SNTB1: variants seen among roughly 807,000 people sequenced by gnomAD.
SNTB1 encodes the protein beta-1-syntrophin.
SNTB1 carries 36 observed loss-of-function variants against 48.9 expected under a neutral mutation model. That is an observed-to-expected ratio of 0.74 (90% CI 0.56 to 0.97). The LOEUF is 0.97. SNTB1 is among the 50% of genes least tolerant of loss of function. The pLI, the probability that SNTB1 is intolerant of heterozygous loss-of-function variation, is 0.00. For synonymous variants in SNTB1, 299 were observed against 294.6 expected, an observed-to-expected ratio of 1.01 and a Z score of -0.15; for missense variants, 786 against 703.4, an observed-to-expected ratio of 1.12 and a Z score of -1.33.
chr8:120,788,340 G>A (rs1563602664), intron 1 of SNTB1, among the ~76,000 whole-genome samples: 1 of 152,066 alleles, frequency 6.6e-6, no homozygotes, highest in East Asian at 1.9e-4. Flanking sequence ...AAGTCATTAG[G>A]TAACAATTAA....
chr8:120,612,985 G>T (rs181791726), intron 3 of SNTB1, among the ~76,000 whole-genome samples: 1 of 152,162 alleles, frequency 6.6e-6, no homozygotes, highest in Non-Finnish European at 1.5e-5. Flanking sequence ...TGGAGGTCAT[G>T]ATGTTAAGCG....
At chr8:120,633,289 G>A (rs541206190) in intron 2 of SNTB1, among the ~76,000 whole-genome samples, 2 of 152,286 alleles carry the variant, frequency 1.3e-5, no homozygotes, top group Admixed American at 6.5e-5. Flanking sequence ...ACAATGGGGA[G>A]AGAGATGCAC....
intron 1 of SNTB1, among the ~76,000 whole-genome samples, chr8:120,793,588 T>C (rs758955928): frequency 1.2e-4 from 18 of 152,000 alleles, no homozygotes; most frequent in Admixed American, 2.6e-4. Flanking sequence ...CAGTTCAAAA[T>C]CTTTTTTTCT....
rs745671985 is a variant in SNTB1 at position 120,632,576 on chromosome 8, T to C, written c.864A>G (p.Ala288=). Residue 288 remains alanine (A), a synonymous_variant, in exon 3 of 7, where the codon GCA becomes GCG. Coordinates refer to ENST00000517992, the MANE Select transcript of SNTB1 (RefSeq NM_021021.4). ...CGTTGGAATGGATGGCACTGAACCA[T>C]GCCTGGGCCGTGGCTGAGTCCTTGC... is the stretch of plus-strand genomic sequence containing the variant. ...LRSKDSATAQ[A]WFSAIHSNVN... 6.2e-7 allele frequency: 1 copy of C among 1,614,152 alleles called. No homozygotes were observed. The highest frequency in any genetic ancestry group is 1.1e-5 in the South Asian group (1 of 91,084).
chr8:120,798,318 C>A (rs1820156948), intron 1 of SNTB1, among the ~76,000 whole-genome samples: 1 of 152,006 alleles, frequency 6.6e-6, no homozygotes, highest in Admixed American at 6.6e-5. Flanking sequence ...GCATGAGAAC[C>A]AGAGCTGTAG....
At chr8:120,799,611 G>A (rs905922746) in intron 1 of SNTB1, among the ~76,000 whole-genome samples, 7 of 151,814 alleles carry the variant, frequency 4.6e-5, no homozygotes, top group Non-Finnish European at 7.4e-5. Context: ...TGAAGGAAAA[G>A]TGGAGAAATA....
At chr8:120,780,388 T>C (rs1042464197) in intron 1 of SNTB1, among the ~76,000 whole-genome samples, 1 of 152,176 alleles carries the variant, frequency 6.6e-6, no homozygotes, top group South Asian at 2.1e-4. Flanking sequence ...CTTTGGTGAG[T>C]CATTCAACGT....
intron 1 of SNTB1, among the ~76,000 whole-genome samples, chr8:120,706,770 C>G (rs1463601458): frequency 6.6e-6 from 1 of 152,164 alleles, no homozygotes; most frequent in Non-Finnish European, 1.5e-5. Flanking sequence ...AGATAAAACT[C>G]TATTATTCCA....
intron 1 of SNTB1, among the ~76,000 whole-genome samples, chr8:120,781,097 A>G (rs1227809557): frequency 6.6e-6 from 1 of 152,218 alleles, no homozygotes; most frequent in African/African-American, 2.4e-5. Flanking sequence ...AGACTCCAAA[A>G]GAGGTCTGTG....
intron 1 of SNTB1, among the ~76,000 whole-genome samples, chr8:120,775,725 A>C (rs1387485604): frequency 6.7e-6 from 1 of 148,794 alleles, no homozygotes. Flanking sequence ...GAAGGAAGGA[A>C]GGAAGGAAGG....
intron 1 of SNTB1, among the ~76,000 whole-genome samples, chr8:120,790,579 T>A (rs1820011904): frequency 6.6e-6 from 1 of 151,994 alleles, no homozygotes; most frequent in African/African-American, 2.4e-5. Context: ...GCAGCACTGC[T>A]ATACACCAAA....
intron 1 of SNTB1, among the ~76,000 whole-genome samples, chr8:120,703,296 T>G (rs946203460): frequency 1.4e-4 from 21 of 152,208 alleles, no homozygotes; most frequent in African/African-American, 4.6e-4. Flanking sequence ...GGCTGATTTT[T>G]GTATTTTTAG....
intron 4 of SNTB1, among the ~76,000 whole-genome samples, chr8:120,567,013 T>A (rs927301404): frequency 9.2e-5 from 14 of 152,220 alleles, no homozygotes; most frequent in Non-Finnish European, 1.8e-4. Flanking sequence ...GGAAGCTGCA[T>A]AGAATAGTGG....
intron 3 of SNTB1, among the ~76,000 whole-genome samples, chr8:120,624,207 G>C (rs185871480): frequency 1.0e-3 from 157 of 152,104 alleles, no homozygotes; most frequent in African/African-American, 3.5e-3. Context: ...CAACATGCTG[G>C]GATTACAGGC....
chr8:120,585,434 T>C (rs1816123838), intron 3 of SNTB1, among the ~76,000 whole-genome samples: 1 of 152,236 alleles, frequency 6.6e-6, no homozygotes, highest in Admixed American at 6.5e-5. Flanking sequence ...TGTCAATATT[T>C]TGATCCAAAT....
chr8:120,713,817 ACTT>A (rs1457451756), intron 1 of SNTB1, among the ~76,000 whole-genome samples: 1 of 152,206 alleles, frequency 6.6e-6, no homozygotes, highest in Non-Finnish European at 1.5e-5. Flanking sequence ...TTTAAGATTC[ACTT>A]ATGTTGTGGT....
chr8:120,747,940 T>A (rs4871117), intron 1 of SNTB1, among the ~76,000 whole-genome samples: 1 of 152,158 alleles, frequency 6.6e-6, no homozygotes, highest in African/African-American at 2.4e-5. Context: ...TGGGTAGATA[T>A]AAAATTATTA....
At chr8:120,585,659 T>A (rs1054206182) in intron 3 of SNTB1, among the ~76,000 whole-genome samples, 1 of 152,260 alleles carries the variant, frequency 6.6e-6, no homozygotes, top group Admixed American at 6.5e-5. Context: ...AAACATAGTC[T>A]GTTCTCTAAA....
At chr8:120,656,119 C>A (rs1262522793) in intron 2 of SNTB1, among the ~76,000 whole-genome samples, 1 of 152,110 alleles carries the variant, frequency 6.6e-6, no homozygotes, top group Non-Finnish European at 1.5e-5. Flanking sequence ...GATTCTATTG[C>A]CTGAAACTAC....
Sources: gnomAD v4.1 joint callset for allele counts (sites outside exome capture counted in the v4.1 genomes callset) on GRCh38, gnomAD v4.1.1 for gene constraint, MANE v1.5 for transcripts, NCBI Gene and HGNC (gene_info 2026-07-23, HGNC 2026-07-21) for gene names.